The following TRPC3 variants were observed in gnomAD, a reference collection of about 807,000 sequenced individuals.
TRPC3 encodes the protein transient receptor potential cation channel subfamily C member 3.
TRPC3 carries 54 observed loss-of-function variants against 90.9 expected under a neutral mutation model. That is an observed-to-expected ratio of 0.59 (90% CI 0.48 to 0.75). The LOEUF (loss-of-function observed/expected upper bound fraction) is 0.75. TRPC3 is among the 30% of genes least tolerant of loss of function. The probability of loss-of-function intolerance (pLI) is 0.00; values close to 1 mark genes in which losing one functional copy is unlikely to be tolerated. For synonymous variants in TRPC3, 424 were observed against 450.9 expected (o/e 0.94, Z 0.75); for missense variants, 918 against 1,194.5 (o/e 0.77, Z 3.41).
intron 1 of TRPC3, among the ~76,000 whole-genome samples, chr4:121,934,726 A>G (rs1730068912): frequency 1.3e-5 from 2 of 152,170 alleles, no homozygotes. Context: ...GAGGAATCAG[A>G]GGCACCTACC....
intron 9 of TRPC3, among the ~76,000 whole-genome samples, chr4:121,901,489 A>G (rs1268389161): frequency 6.6e-6 from 1 of 152,248 alleles, no homozygotes; most frequent in Non-Finnish European, 1.5e-5. Context: ...GTGACCTTGC[A>G]TAAGCAAATT....
At position 121,874,978 on chromosome 4, in the gene TRPC3, T is replaced by G. The variant is rs1427396005; in HGVS notation, c.*4758A>C. ...CATCTCTAAAAAACAAACAAAAAAC[T>G]AACTTAAAAAAAATGAAAAGTAAAG... On this transcript the variant is annotated 3_prime_UTR_variant, in exon 12 of 12. Transcript: ENST00000379645. Among the ~76,000 whole-genome samples the G allele has an allele frequency of 1.3e-5, 2 of 151,552 alleles. No homozygotes were observed. The highest frequency in any genetic ancestry group is 4.8e-5 in the African/African-American group (2 of 41,274).
rs1578649289 is a variant in TRPC3 at position 121,932,554 on chromosome 4, G to A, written c.704C>T (p.Thr235Ile). Residue 235 changes from threonine to isoleucine, a missense_variant, in exon 2 of 12, where the codon ACC (threonine) becomes ATC (isoleucine). Thr to Ile is a moderately conservative substitution (Grantham distance 89). Around this residue, in one of 4 missense-constraint regions of TRPC3, gnomAD observed 609 missense variants for 725.9 expected, o/e 0.84. Coordinates refer to ENST00000379645, the MANE Select transcript of TRPC3 (RefSeq NM_001130698.2). This position sits in a 1 kb window ranked among gnomAD's most constrained non-coding sequence, Gnocchi z 7.7. ...GCAGTGCGCCGCCAGGATGATGGGG[G>A]TGATGTCCGGCGAGAAGCGCGTGCC... ...EDGTRFSPDITPIILAAHCQK... is the reference protein window; with the variant it reads ...EDGTRFSPDIIPIILAAHCQK... The A allele has an allele frequency of 1.9e-6, 3 of 1,614,232 alleles. No individual in the cohort carries two copies. Among genetic ancestry groups the A allele is most frequent in the East Asian group, 4.5e-5 (2 of 44,870 alleles).
chr4:121,882,498 G>A, intron 10 of TRPC3, 69 bp from the exon 11 acceptor site: 7 of 1,454,668 alleles, frequency 4.8e-6, no homozygotes, highest in Non-Finnish European at 6.6e-6. Context: ...ATTTTCCAAA[G>A]AGGCTTACAT....
rs1218800309 is a variant in TRPC3, at chr4:121,951,279, G to A, written c.215+187C>T. Reference sequence around the variant, plus strand: ...AGCCCCTGTGTCCCTCCACCGCGCGGGACCGAGGGGGCGAGCCTCCGGCCG... The same window carrying A: ...AGCCCCTGTGTCCCTCCACCGCGCGAGACCGAGGGGGCGAGCCTCCGGCCG... On this transcript the variant is annotated intron_variant, in intron 1 of 11. Coordinates refer to ENST00000379645, the MANE Select transcript of TRPC3 (RefSeq NM_001130698.2). This position sits in a 1 kb window ranked among gnomAD's most constrained non-coding sequence, Gnocchi z 4.4. 6.6e-6 allele frequency among the ~76,000 whole-genome samples: 1 copy of A among 152,070 alleles called. No homozygotes were observed. Among genetic ancestry groups the A allele is most frequent in the Non-Finnish European group, 1.5e-5 (1 of 67,994 alleles).
At chr4:121,931,401 T>C (rs1023630955) in intron 2 of TRPC3, among the ~76,000 whole-genome samples, 4 of 152,144 alleles carry the variant, frequency 2.6e-5, no homozygotes, top group Non-Finnish European at 5.9e-5. Flanking sequence ...ATCGGAACTA[T>C]GAAATACCCA....
chr4:121,913,807 A>C (rs1327842600), intron 4 of TRPC3, among the ~76,000 whole-genome samples: 1 of 152,248 alleles, frequency 6.6e-6, no homozygotes, highest in Non-Finnish European at 1.5e-5. Context: ...CTTAATTTGC[A>C]TGGGCAACTC....
At chr4:121,929,294 T>C (rs935953825) in intron 2 of TRPC3, among the ~76,000 whole-genome samples, 2 of 152,190 alleles carry the variant, frequency 1.3e-5, no homozygotes, top group Non-Finnish European at 2.9e-5. Flanking sequence ...TCATTTTTTT[T>C]CTTCCTTACA....
chr4:121,912,919 A>C (rs985952724), intron 4 of TRPC3, among the ~76,000 whole-genome samples: 1 of 152,244 alleles, frequency 6.6e-6, no homozygotes, highest in Non-Finnish European at 1.5e-5. Context: ...AATTAGGTAC[A>C]TTTGGTAGAT....
At chr4:121,891,784 AT>A (rs1467612735) in intron 10 of TRPC3, among the ~76,000 whole-genome samples, 1 of 152,070 alleles carries the variant, frequency 6.6e-6, no homozygotes, top group East Asian at 1.9e-4. Context: ...CCTTCCAACA[AT>A]TTACTACCTT....
rs778493911 is a variant in TRPC3 at position 121,932,938 on chromosome 4, G to C, written c.320C>G (p.Thr107Ser). 2 of 1,613,960 alleles carry C rather than the reference G, an allele frequency of 1.2e-6. No individual in the cohort carries two copies. Among genetic ancestry groups the C allele is most frequent in the South Asian group, 1.1e-5 (1 of 91,062 alleles). Residue 107 changes from threonine to serine, a missense_variant, in exon 2 of 12, where the codon ACC (threonine) becomes AGC (serine). Around this residue, in one of 4 missense-constraint regions of TRPC3, gnomAD observed 609 missense variants for 725.9 expected, o/e 0.84. Transcript: ENST00000379645. This position sits in a 1 kb window ranked among gnomAD's most constrained non-coding sequence, Gnocchi z 7.7. ...GPAFMFNDRG[T>S]SLTAEEERFL... is the part of the protein sequence containing the mutation. ...GCGCTCCTCCTCGGCGGTGAGGCTG[G>C]TGCCGCGGTCATTGAACATGAAGGC...
intron 1 of TRPC3, among the ~76,000 whole-genome samples, chr4:121,945,825 A>G (rs1337546401): frequency 2.0e-5 from 3 of 152,188 alleles, no homozygotes; most frequent in Non-Finnish European, 4.4e-5. Context: ...CCAGTTCGTC[A>G]ATACTAACAG....
chr4:121,913,150 G>A (rs1472664947), intron 4 of TRPC3, among the ~76,000 whole-genome samples: 2 of 152,170 alleles, frequency 1.3e-5, no homozygotes, highest in African/African-American at 4.8e-5. Flanking sequence ...CATTTTCCAT[G>A]TTAGACACAG....
At position 121,911,302 on chromosome 4, in the gene TRPC3, A is replaced by G. The variant is rs567243107; in HGVS notation, c.1558+575T>C. Among the ~76,000 whole-genome samples, 24 of 152,322 alleles carry G rather than the reference A, an allele frequency of 1.6e-4. No homozygotes were observed. The South Asian group carries it at 4.8e-3, about 30-fold the overall frequency. ...ATCTCCATTTCTTAGCAGAGAACAC[A>G]ATAAATTCTTTTCCTCACATTACTT... On this transcript the variant is annotated intron_variant, in intron 5 of 11. Coordinates refer to ENST00000379645, the MANE Select transcript of TRPC3 (RefSeq NM_001130698.2).
intron 10 of TRPC3, among the ~76,000 whole-genome samples, chr4:121,885,348 G>A (rs1471019211): frequency 1.3e-5 from 2 of 152,206 alleles, no homozygotes; most frequent in East Asian, 1.9e-4. Context: ...TCCCCCTATC[G>A]CAATAGTTCC....
chr4:121,897,829 A>G (rs1728570893), intron 10 of TRPC3, among the ~76,000 whole-genome samples: 1 of 152,192 alleles, frequency 6.6e-6, no homozygotes, highest in Non-Finnish European at 1.5e-5. Context: ...AGAAATCATT[A>G]TATCAAAGAG....
chr4:121,921,927 T>G (rs1167680892), intron 3 of TRPC3, among the ~76,000 whole-genome samples: 12 of 150,120 alleles, frequency 8.0e-5, no homozygotes, highest in Non-Finnish European at 1.8e-4. Context: ...TTGTTTTTTT[T>G]TTTTTTTTCG....
chr4:121,916,286 T>C (rs1729314833), intron 3 of TRPC3, among the ~76,000 whole-genome samples: 1 of 152,152 alleles, frequency 6.6e-6, no homozygotes, highest in Non-Finnish European at 1.5e-5. Context: ...GCGATGTAGG[T>C]TCAATTTCCC....
intron 1 of TRPC3, among the ~76,000 whole-genome samples, chr4:121,934,739 T>C (rs1730069453): frequency 6.6e-6 from 1 of 152,154 alleles, no homozygotes; most frequent in East Asian, 1.9e-4. Flanking sequence ...CACCTACCAG[T>C]GTCCATTCTG....
Sources: gnomAD v4.1 joint callset for allele counts (sites outside exome capture counted in the v4.1 genomes callset) on GRCh38, gnomAD v4.1.1 for gene constraint, gnomAD v4.1.1 regional missense constraint, Gnocchi (gnomAD v3.1) non-coding constraint, MANE v1.5 for transcripts, NCBI Gene and HGNC (gene_info 2026-07-23, HGNC 2026-07-21) for gene names.